The following SESTD1 variants were observed in gnomAD, a reference collection of about 807,000 sequenced individuals.
SESTD1 encodes the protein SEC14 and spectrin domain containing 1, also known as SEC14 domain and spectrin repeat-containing protein 1.
Under a neutral mutation model 101.7 loss-of-function variants are expected in SESTD1, and 43 were observed. The ratio of observed to expected loss-of-function variants is 0.42; its 90% CI spans 0.33 to 0.55. SESTD1 has a LOEUF of 0.55. SESTD1 is among the 20% of genes least tolerant of loss of function. The pLI, the probability that SESTD1 is intolerant of heterozygous loss-of-function variation, is 0.07. For synonymous variants in SESTD1, 283 were observed against 286.8 expected (o/e 0.99, Z 0.13); for missense variants, 647 against 815.1 (o/e 0.79, Z 2.51).
At chr2:179,255,733 T>C (rs2047384673) in intron 1 of SESTD1, among the ~76,000 whole-genome samples, 3 of 152,244 alleles carry the variant, frequency 2.0e-5, no homozygotes, top group South Asian at 2.1e-4. Context: ...AGATTTTCAA[T>C]GTAGATGAAA....
chr2:179,169,213 A>C lies in SESTD1; in HGVS notation c.369+2907T>G, dbSNP rs574681338. On this transcript the variant is annotated intron_variant, in intron 5 of 17. Transcript: ENST00000428443. ...ACTATATGGTGTCTACAAAAAATTC[A>C]TTTTAAATATAAAGAAGTTAAAAGT... Among the ~76,000 whole-genome samples, 207 of 152,338 alleles carry C rather than the reference A, an allele frequency of 1.4e-3. 1 individual carries two copies. The highest frequency in any genetic ancestry group is 2.5e-3 in the Non-Finnish European group (169 of 68,024).
chr2:179,112,697 A>T (rs961929547), intron 17 of SESTD1, 27 bp downstream of exon 17: 2 of 1,568,172 alleles, frequency 1.3e-6, no homozygotes, highest in Non-Finnish European at 1.7e-6. Flanking sequence ...CCAATAAAAA[A>T]TAAAATTATA....
chr2:179,228,238 C>T (rs547492933), intron 1 of SESTD1, among the ~76,000 whole-genome samples: 19 of 152,200 alleles, frequency 1.2e-4, no homozygotes, highest in East Asian at 9.6e-4. Context: ...TGTCTGTGCA[C>T]GCATGTGTGT....
intron 6 of SESTD1, 88 bp downstream of exon 6, chr2:179,151,185 ATAATC>A (rs1324724474): frequency 2.4e-6 from 2 of 833,024 alleles, no homozygotes; most frequent in Non-Finnish European, 3.4e-6. Context: ...AAAAAGAAAA[ATAATC>A]TATATTTTAA....
chr2:179,172,465 C>T (rs1041030471), intron 4 of SESTD1, among the ~76,000 whole-genome samples: 1 of 152,054 alleles, frequency 6.6e-6, no homozygotes, highest in Non-Finnish European at 1.5e-5. Flanking sequence ...ATAAATTGTA[C>T]ATGTGAATTA....
intron 1 of SESTD1, among the ~76,000 whole-genome samples, chr2:179,261,034 T>C (rs2047475332): frequency 6.6e-6 from 1 of 152,190 alleles, no homozygotes; most frequent in Non-Finnish European, 1.5e-5. Flanking sequence ...ACTCTCTCTA[T>C]ATATATACAC....
chr2:179,199,938 G>C (rs980512610), intron 1 of SESTD1, among the ~76,000 whole-genome samples: 1 of 152,042 alleles, frequency 6.6e-6, no homozygotes, highest in Admixed American at 6.5e-5. Flanking sequence ...AATTAGGCAG[G>C]AGAAGGAAAT....
chr2:179,123,519 C>G (rs2044798448), intron 12 of SESTD1, among the ~76,000 whole-genome samples, 196 bp downstream of exon 12: 2 of 152,046 alleles, frequency 1.3e-5, no homozygotes, highest in Admixed American at 6.6e-5. Context: ...GGAGGAGTGA[C>G]TAACTAACGA....
intron 17 of SESTD1, among the ~76,000 whole-genome samples, chr2:179,111,046 TGG>T (rs2044494828): frequency 6.6e-6 from 1 of 151,998 alleles, no homozygotes; most frequent in Admixed American, 6.6e-5. Context: ...TAGGCTGACA[TGG>T]GTAGAACAGG....
intron 9 of SESTD1, 40 bp downstream of exon 9, chr2:179,143,552 G>T: frequency 6.4e-7 from 1 of 1,558,946 alleles, no homozygotes; most frequent in South Asian, 1.1e-5. Context: ...AAATTATAAG[G>T]AATTAAAAAG....
intron 9 of SESTD1, among the ~76,000 whole-genome samples, chr2:179,136,234 A>G (rs1485930178): frequency 6.6e-6 from 1 of 152,202 alleles, no homozygotes; most frequent in Non-Finnish European, 1.5e-5. Flanking sequence ...TGTTGTCAGG[A>G]TTATGACACT....
At chr2:179,195,546 G>A (rs906901534) in intron 1 of SESTD1, among the ~76,000 whole-genome samples, 3 of 152,058 alleles carry the variant, frequency 2.0e-5, no homozygotes, top group African/African-American at 7.3e-5. Context: ...CATACTTCAG[G>A]GGTTTAAAAT....
intron 17 of SESTD1, among the ~76,000 whole-genome samples, chr2:179,111,685 G>C (rs1378080779): frequency 6.6e-6 from 1 of 150,616 alleles, no homozygotes; most frequent in Non-Finnish European, 1.5e-5. Context: ...TAAGAATCAG[G>C]TCTAAATCAC....
intron 5 of SESTD1, among the ~76,000 whole-genome samples, chr2:179,162,238 T>C (rs183768805): frequency 3.9e-4 from 59 of 151,498 alleles, no homozygotes; most frequent in Non-Finnish European, 7.5e-4. Flanking sequence ...CCAATTAATA[T>C]ATTTTAAGTA....
intron 1 of SESTD1, among the ~76,000 whole-genome samples, chr2:179,243,925 AAT>A (rs1176470119): frequency 1.3e-4 from 18 of 142,548 alleles, no homozygotes; most frequent in South Asian, 9.5e-4. Flanking sequence ...AATTATTAAA[AAT>A]ATATATATAT....
chr2:179,257,897 T>C (rs906327260), intron 1 of SESTD1, among the ~76,000 whole-genome samples: 7 of 152,120 alleles, frequency 4.6e-5, no homozygotes, highest in African/African-American at 1.7e-4. Flanking sequence ...CCCCATAGAA[T>C]GATCAAAATA....
intron 9 of SESTD1, among the ~76,000 whole-genome samples, chr2:179,140,119 T>C (rs1275575316): frequency 1.3e-5 from 2 of 152,182 alleles, no homozygotes; most frequent in East Asian, 1.9e-4. Context: ...CTCTTGTGTA[T>C]TCAACCTCTC....
chr2:179,119,566 T>C (rs1575423299), intron 13 of SESTD1, among the ~76,000 whole-genome samples: 1 of 152,186 alleles, frequency 6.6e-6, no homozygotes, highest in Non-Finnish European at 1.5e-5. Flanking sequence ...TTCTGTTTCC[T>C]GAGGCCTCTC....
chr2:179,208,152 G>A (rs1255113361), intron 1 of SESTD1, among the ~76,000 whole-genome samples: 1 of 133,894 alleles, frequency 7.5e-6, no homozygotes, highest in Non-Finnish European at 1.6e-5. Context: ...CAAGGCTTTC[G>A]AATTAATGAA....
Sources: gnomAD v4.1 joint callset for allele counts (sites outside exome capture counted in the v4.1 genomes callset) on GRCh38, gnomAD v4.1.1 for gene constraint, MANE v1.5 for transcripts, NCBI Gene and HGNC (gene_info 2026-07-23, HGNC 2026-07-21) for gene names.